The following STARD13 variants were observed in gnomAD, a reference collection of about 807,000 sequenced individuals.
STARD13 encodes the protein StAR related lipid transfer domain containing 13.
STARD13 carries 62 observed loss-of-function variants against 106.4 expected under a neutral mutation model. That is an observed-to-expected ratio of 0.58 (90% CI 0.48 to 0.72). STARD13 has a LOEUF of 0.72. STARD13 is among the 30% of genes least tolerant of loss of function. STARD13 has a pLI of 0.00. For missense variants in STARD13, 1,387 were observed against 1,424.0 expected (o/e 0.97, Z 0.42); for synonymous variants, 565 against 553.0 (o/e 1.02, Z -0.31).
intron 1 of STARD13, among the ~76,000 whole-genome samples, chr13:33,316,714 G>T (rs985561613): frequency 2.6e-5 from 4 of 152,062 alleles, no homozygotes; most frequent in African/African-American, 9.7e-5. Flanking sequence ...AATATTTCTT[G>T]AGCATGTACT....
chr13:33,632,475 G>A, the STARD13 span, among the ~76,000 whole-genome samples: 3 of 152,104 alleles, frequency 2.0e-5, no homozygotes, highest in Non-Finnish European at 4.4e-5. Context: ...TTTCCACTAT[G>A]TCTATATTGT....
chr13:33,136,475 A>C (rs1593933708), intron 4 of STARD13, among the ~76,000 whole-genome samples: 1 of 152,096 alleles, frequency 6.6e-6, no homozygotes, highest in East Asian at 1.9e-4. Flanking sequence ...TGGATTGAGA[A>C]CCTCTCTTCC....
the STARD13 span, among the ~76,000 whole-genome samples, chr13:33,586,429 C>T: frequency 6.6e-6 from 1 of 152,116 alleles, no homozygotes; most frequent in East Asian, 1.9e-4. Context: ...TAACTATGGT[C>T]TCTTTTTGGT....
the STARD13 span, among the ~76,000 whole-genome samples, chr13:33,471,446 T>C: frequency 3.3e-5 from 5 of 152,206 alleles, no homozygotes; most frequent in African/African-American, 1.2e-4. Flanking sequence ...TCTATTTAAA[T>C]AAACTCCCAA....
intron 3 of STARD13, 29 bp from the exon 4 acceptor site, chr13:33,142,402 C>T (rs764056556): frequency 6.3e-7 from 1 of 1,574,934 alleles, no homozygotes; most frequent in Non-Finnish European, 8.7e-7. Context: ...GTGATGATTA[C>T]TTTCACTAAT....
At chr13:33,430,063 G>A in the STARD13 span, among the ~76,000 whole-genome samples, 1 of 151,844 alleles carries the variant, frequency 6.6e-6, no homozygotes, top group Admixed American at 6.6e-5. Flanking sequence ...GACTACAGGC[G>A]CCCGCCACCA....
At chr13:33,637,147 T>G in the STARD13 span, among the ~76,000 whole-genome samples, 1 of 152,202 alleles carries the variant, frequency 6.6e-6, no homozygotes. Context: ...TGTCATCATC[T>G]GGAAAGAGGG....
At chr13:33,164,280 CG>C (rs1344013574) in intron 3 of STARD13, 1 of 152,144 alleles carries the variant, frequency 6.6e-6, no homozygotes, top group Non-Finnish European at 1.5e-5. Flanking sequence ...TATGTATATA[CG>C]TGTCTGAAGA....
the STARD13 span, among the ~76,000 whole-genome samples, chr13:33,541,535 G>C: frequency 1.3e-5 from 2 of 152,054 alleles, no homozygotes; most frequent in Admixed American, 1.3e-4. Flanking sequence ...ACTATCAAAC[G>C]GTTTTAGCAA....
chr13:33,170,133 A>G (rs1883780976), intron 1 of STARD13, among the ~76,000 whole-genome samples: 1 of 152,212 alleles, frequency 6.6e-6, no homozygotes, highest in South Asian at 2.1e-4. Flanking sequence ...TTATTTGTAC[A>G]TTTTTAAATA....
intron 1 of STARD13, among the ~76,000 whole-genome samples, chr13:33,273,780 TTC>T (rs1891277467): frequency 6.6e-6 from 1 of 152,224 alleles, no homozygotes; most frequent in Non-Finnish European, 1.5e-5. Flanking sequence ...AGCACTTTTT[TTC>T]TGTTTCTCTC....
chr13:33,470,134 T>A, the STARD13 span, among the ~76,000 whole-genome samples: 1 of 152,178 alleles, frequency 6.6e-6, no homozygotes, highest in East Asian at 1.9e-4. Flanking sequence ...CATTTATGAG[T>A]AAGAACATGT....
intron 1 of STARD13, chr13:33,335,419 C>CGACA (rs1555263176): frequency 1.3e-5 from 2 of 152,214 alleles, no homozygotes; most frequent in Non-Finnish European, 2.9e-5. Context: ...GCTGTCACTA[C>CGACA]GACACCCATG....
chr13:33,520,382 A>G, the STARD13 span, among the ~76,000 whole-genome samples: 1 of 152,132 alleles, frequency 6.6e-6, no homozygotes, highest in African/African-American at 2.4e-5. Flanking sequence ...TTACACAGAC[A>G]TGGCTTAGTA....
intron 1 of STARD13, among the ~76,000 whole-genome samples, chr13:33,250,661 A>G (rs941810996): frequency 6.6e-6 from 1 of 152,204 alleles, no homozygotes; most frequent in African/African-American, 2.4e-5. Context: ...GCAGATTTAC[A>G]TTTATTCCTG....
chr13:33,232,065 C>A (rs909178102), intron 1 of STARD13, among the ~76,000 whole-genome samples: 2 of 152,202 alleles, frequency 1.3e-5, no homozygotes, highest in Non-Finnish European at 2.9e-5. Context: ...GTAATCCAAG[C>A]ACTTTGGGAG....
intron 1 of STARD13, among the ~76,000 whole-genome samples, chr13:33,185,152 G>A (rs1885631084): frequency 6.6e-6 from 1 of 152,072 alleles, no homozygotes; most frequent in Non-Finnish European, 1.5e-5. Context: ...TGGGGTTCAG[G>A]TAAATTCTGA....
rs780206528 is a variant in STARD13, at chr13:33,105,540, A to C, written c.*53T>G. ...TTCTCACATGCACACTCTCTGCCAC[A>C]CTCGTCACTTTAGCTTCCTCTTCCC... On this transcript the variant is annotated 3_prime_UTR_variant, in exon 14 of 14. Coordinates refer to ENST00000336934, the MANE Select transcript of STARD13 (RefSeq NM_178006.4). 17 of 1,274,242 alleles carry C rather than the reference A, an allele frequency of 1.3e-5. No individual in the cohort carries two copies. The highest frequency in any genetic ancestry group is 2.9e-5 in the African/African-American group (2 of 68,276). The allele number at this position is 1,274,242 out of a possible 1,614,324, so 78.9% of individuals were successfully genotyped here.
Position 33,269,561 on chromosome 13 carries a change from G to C in STARD13, c.169+15909C>G, listed in dbSNP as rs181768785. Among the ~76,000 whole-genome samples, 432 of 152,208 alleles carry C rather than the reference G, an allele frequency of 2.8e-3. 4 individuals are homozygous for C. Among genetic ancestry groups the C allele is most frequent in the African/African-American group, 9.5e-3 (396 of 41,528 alleles). On this transcript the variant is annotated intron_variant, in intron 1 of 13. Transcript: ENST00000336934. ...GGAATAGCCAGCCACACAAAATCAC[G>C]GCCTTAGGCAGTAAGCCCAATTGAC...
Sources: gnomAD v4.1 joint callset for allele counts (sites outside exome capture counted in the v4.1 genomes callset) on GRCh38, gnomAD v4.1.1 for gene constraint, MANE v1.5 for transcripts, NCBI Gene and HGNC (gene_info 2026-07-23, HGNC 2026-07-21) for gene names.